The following KIF13A variants were observed in gnomAD, a reference collection of about 807,000 sequenced individuals.
The protein encoded by KIF13A is kinesin family member 13A.
Under a neutral mutation model 212.2 loss-of-function variants are expected in KIF13A, and 79 were observed. The observed-to-expected ratio is 0.37, with a 90% confidence interval of 0.31 to 0.45. The LOEUF (loss-of-function observed/expected upper bound fraction) is 0.45. Ranked by LOEUF, KIF13A falls within the 20% of genes least tolerant of loss-of-function variation. The probability of loss-of-function intolerance (pLI) is 1.00; values close to 1 mark genes in which losing one functional copy is unlikely to be tolerated. For synonymous variants in KIF13A, 789 were observed against 808.6 expected (o/e 0.98, Z 0.41); for missense variants, 1,901 against 2,209.0 (o/e 0.86, Z 2.79).
At chr6:17,974,216 G>C (rs1440397217) in intron 2 of KIF13A, among the ~76,000 whole-genome samples, 2 of 152,084 alleles carry the variant, frequency 1.3e-5, no homozygotes, top group Non-Finnish European at 2.9e-5. Flanking sequence ...TGAGTAGCTG[G>C]GATTACAGGC....
chr6:17,825,873 G>A lies in KIF13A; in HGVS notation c.1681C>T (p.Pro561Ser). The A allele has an allele frequency of 6.2e-7, 1 of 1,613,906 alleles. No individual in the cohort carries two copies. The highest frequency in any genetic ancestry group is 8.5e-7 in the Non-Finnish European group (1 of 1,179,842). ...GCTGCATCCAGGTCATGCTCTGGCG[G>A]GCCCGTTTCTTTTTCAAAGTCTTTC... ...WLKDFEKETG[P>S]PEHDLDAASE... Residue 561 changes from proline (P) to serine (S), a missense_variant, in exon 16 of 39, where the codon CCG becomes TCG. By Grantham distance (74) the Pro-to-Ser change is moderately conservative. Coordinates refer to ENST00000259711, the MANE Select transcript of KIF13A (RefSeq NM_022113.6). This position sits in a 1 kb window ranked among gnomAD's most constrained non-coding sequence, Gnocchi z 4.5.
rs1013787009 is a variant in KIF13A, at chr6:17,888,594, C to A, written c.159+9574G>T. Among the ~76,000 whole-genome samples the A allele has an allele frequency of 2.4e-4, 37 of 152,176 alleles. No homozygotes were observed. The highest frequency in any genetic ancestry group is 3.5e-4 in the Non-Finnish European group (24 of 68,036). On this transcript the variant is annotated intron_variant, in intron 3 of 38. Coordinates refer to ENST00000259711, the MANE Select transcript of KIF13A (RefSeq NM_022113.6). This position sits in a 1 kb window ranked among gnomAD's most constrained non-coding sequence, Gnocchi z 4.8. ...ATCCCAGCACTTTGGGAGGCCAAAGCGGGCAGATCACTTGAGGCCGGGAGT... is the reference window on the plus strand; with the variant it reads ...ATCCCAGCACTTTGGGAGGCCAAAGAGGGCAGATCACTTGAGGCCGGGAGT...
chr6:17,891,260 CAA>C (rs1772027730), intron 3 of KIF13A, among the ~76,000 whole-genome samples: 1 of 152,122 alleles, frequency 6.6e-6, no homozygotes, highest in Non-Finnish European at 1.5e-5. Context: ...TTTCTCCACT[CAA>C]GAGTGCAAAT....
At chr6:17,985,334 G>A (rs775643853) in intron 2 of KIF13A, among the ~76,000 whole-genome samples, 72 of 152,120 alleles carry the variant, frequency 4.7e-4, no homozygotes, top group Non-Finnish European at 1.3e-4. Context: ...GGTTCAGCCC[G>A]AAAAATGATC....
chr6:17,891,916 G>A (rs891189290), intron 3 of KIF13A, among the ~76,000 whole-genome samples: 2 of 152,126 alleles, frequency 1.3e-5, no homozygotes, highest in African/African-American at 4.8e-5. Flanking sequence ...TGAGTCCCAA[G>A]GTGCTATCCT....
intron 2 of KIF13A, among the ~76,000 whole-genome samples, chr6:17,975,195 TAA>T (rs564880271): frequency 6.6e-6 from 1 of 151,192 alleles, no homozygotes; most frequent in Non-Finnish European, 1.5e-5. Flanking sequence ...AATAAAAAAA[TAA>T]AAAAAAACTA....
At position 17,789,695 on chromosome 6, in the gene KIF13A, G is replaced by A. The variant is rs924480261; in HGVS notation, c.3261+177C>T. On this transcript the variant is annotated intron_variant, in intron 26 of 38. Coordinates refer to ENST00000259711, the MANE Select transcript of KIF13A (RefSeq NM_022113.6). This position sits in a 1 kb window ranked among gnomAD's most constrained non-coding sequence, Gnocchi z 4.8. ...TTAGTTATAAATTTTGAACTGACAAGGCATCTATAGAAATAATATTGTGTT... is the reference window on the plus strand; with the variant it reads ...TTAGTTATAAATTTTGAACTGACAAAGCATCTATAGAAATAATATTGTGTT... Among the ~76,000 whole-genome samples the A allele has an allele frequency of 1.3e-5, 2 of 152,104 alleles. No individual in the cohort carries two copies. The highest frequency in any genetic ancestry group is 2.9e-5 in the Non-Finnish European group (2 of 68,026).
chr6:17,786,060 A>T lies in KIF13A; in HGVS notation c.3362-419T>A, dbSNP rs892288352. Among the ~76,000 whole-genome samples the T allele has an allele frequency of 6.6e-6, 1 of 152,212 alleles. No homozygotes were observed. The highest frequency in any genetic ancestry group is 2.4e-5 in the African/African-American group (1 of 41,456). ...GCATAGGGAGCTAAGAGGGGCTTCA[A>T]CACCAATTTAAGGAACTGCAAGCCA... On this transcript the variant is annotated intron_variant, in intron 27 of 38. Transcript: ENST00000259711. This position sits in a 1 kb window ranked among gnomAD's most constrained non-coding sequence, Gnocchi z 5.4.
At chr6:17,804,250 C>T in intron 20 of KIF13A, 111 bp downstream of exon 20, 1 of 938,998 alleles carries the variant, frequency 1.1e-6, no homozygotes, top group South Asian at 2.5e-5. Context: ...GACTATTTGC[C>T]TTAGTTTCTT....
rs917784064 is a variant in KIF13A, at chr6:17,787,455, C to T, written c.3361+321G>A. ...ATCACTTGAGTCCGGGAGTTTGAGA[C>T]CAGCCTGGGCAACAAAGTGAGACCC... On this transcript the variant is annotated intron_variant, in intron 27 of 38. Transcript: ENST00000259711. This position sits in a 1 kb window ranked among gnomAD's most constrained non-coding sequence, Gnocchi z 4.6. Among the ~76,000 whole-genome samples the T allele has an allele frequency of 6.6e-6, 1 of 152,056 alleles. No individual in the cohort carries two copies. Among genetic ancestry groups the T allele is most frequent in the African/African-American group, 2.4e-5 (1 of 41,376 alleles).
intron 2 of KIF13A, among the ~76,000 whole-genome samples, chr6:17,911,770 T>G (rs1368320674): frequency 8.4e-6 from 1 of 119,058 alleles, no homozygotes; most frequent in Non-Finnish European, 1.7e-5. Context: ...CAATAATAAT[T>G]TTTTTTTTTT....
At chr6:17,913,268 AC>A in intron 2 of KIF13A, among the ~76,000 whole-genome samples, 1 of 152,304 alleles carries the variant, frequency 6.6e-6, no homozygotes, top group Admixed American at 6.5e-5. Context: ...GGATTCTGAA[AC>A]ATTCTATGGG....
In KIF13A at chr6:17,837,645, T is replaced by G; in HGVS notation, c.831-62A>C. ...GTTTATTTGGTTTAAGTATAAAATA[T>G]GCAGAACAATAAAGCTCCACAGTTA... On this transcript the variant is annotated intron_variant, in intron 9 of 38. Coordinates refer to ENST00000259711, the MANE Select transcript of KIF13A (RefSeq NM_022113.6). This position sits in a 1 kb window ranked among gnomAD's most constrained non-coding sequence, Gnocchi z 5.4. The G allele has an allele frequency of 8.8e-7, 1 of 1,133,820 alleles. No individual in the cohort carries two copies. The highest frequency in any genetic ancestry group is 2.0e-5 in the Admixed American group (1 of 49,296). 70.2% of individuals were successfully genotyped at this position (1,133,820 alleles called of 1,614,324 possible). A position where few individuals can be genotyped will look rare whatever the true frequency, so the allele number is the denominator to read the frequency against.
chr6:17,964,915 C>T (rs905523749), intron 2 of KIF13A, among the ~76,000 whole-genome samples: 4 of 149,806 alleles, frequency 2.7e-5, no homozygotes, highest in Admixed American at 6.6e-5. Flanking sequence ...CTCTGACTCC[C>T]TGGTTCAAGC....
chr6:17,820,600 T>C (rs1286209643), intron 16 of KIF13A, among the ~76,000 whole-genome samples: 1 of 152,196 alleles, frequency 6.6e-6, no homozygotes, highest in Admixed American at 6.5e-5. Flanking sequence ...TATCAAGAGA[T>C]TGTCCACAGG....
chr6:17,836,888 G>C lies in KIF13A; in HGVS notation c.1145C>G (p.Ser382Cys), dbSNP rs905388243. Reference sequence around the variant, plus strand: ...CCAGGCTGCTTTTACCTCTGCCTGAGAGAGCTGCTCTCTCAGTTTCTCGAC... The same window carrying C: ...CCAGGCTGCTTTTACCTCTGCCTGACAGAGCTGCTCTCTCAGTTTCTCGAC... ...EEVEKLREQL[S>C]QAEAMKAPEL... Residue 382 changes from serine (S) to cysteine (C), a missense_variant, in exon 11 of 39, where the codon TCT (serine) becomes TGT (cysteine). Physicochemically the swap from Ser to Cys is moderately radical, Grantham distance 112. This residue lies in a region of KIF13A where 506 missense variants were observed against 637.4 expected (regional missense o/e 0.79). Transcript: ENST00000259711. 3.1e-6 allele frequency: 5 copies of C among 1,613,812 alleles called. No individual in the cohort carries two copies. Among genetic ancestry groups the C allele is most frequent in the Non-Finnish European group, 1.7e-6 (2 of 1,179,778 alleles).
At chr6:17,948,321 G>A (rs974544228) in intron 2 of KIF13A, among the ~76,000 whole-genome samples, 1 of 152,084 alleles carries the variant, frequency 6.6e-6, no homozygotes, top group East Asian at 1.9e-4. Context: ...CAAAAGTGGT[G>A]GCACTTTGGG....
Position 17,850,883 on chromosome 6 carries a change from C to T in KIF13A, c.583-426G>A, listed in dbSNP as rs974365348. Among the ~76,000 whole-genome samples the T allele has an allele frequency of 3.9e-5, 6 of 152,178 alleles. No homozygotes were observed. Among genetic ancestry groups the T allele is most frequent in the African/African-American group, 1.4e-4 (6 of 41,440 alleles). ...ATGGCAGGGTTTTTTCCTTATTCCA[C>T]TTTGTACACTTGCTCCTAGAATGCC... On this transcript the variant is annotated intron_variant, in intron 7 of 38. Transcript: ENST00000259711. This position sits in a 1 kb window ranked among gnomAD's most constrained non-coding sequence, Gnocchi z 6.2.
chr6:17,874,187 T>C (rs559580208), intron 3 of KIF13A, among the ~76,000 whole-genome samples: 1 of 152,252 alleles, frequency 6.6e-6, no homozygotes, highest in South Asian at 2.1e-4. Flanking sequence ...TGTAGCATAC[T>C]GAAGTTCAAA....
Sources: gnomAD v4.1 joint callset for allele counts (sites outside exome capture counted in the v4.1 genomes callset) on GRCh38, gnomAD v4.1.1 for gene constraint, gnomAD v4.1.1 regional missense constraint, Gnocchi (gnomAD v3.1) non-coding constraint, MANE v1.5 for transcripts, NCBI Gene and HGNC (gene_info 2026-07-23, HGNC 2026-07-21) for gene names.